CAST: variants seen among roughly 807,000 people sequenced by gnomAD.
CAST encodes the protein MIR583 host.
CAST carries 76 observed loss-of-function variants against 119.6 expected under a neutral mutation model. The ratio of observed to expected loss-of-function variants is 0.64; its 90% CI spans 0.53 to 0.77. The LOEUF is 0.77. Ranked by LOEUF, CAST falls within the 30% of genes least tolerant of loss-of-function variation. The pLI, the probability that CAST is intolerant of heterozygous loss-of-function variation, is 0.00. For missense variants in CAST, 953 were observed against 946.5 expected (o/e 1.01, Z -0.09); for synonymous variants, 319 against 331.6 (o/e 0.96, Z 0.41).
intron 1 of CAST, among the ~76,000 whole-genome samples, chr5:96,586,437 C>G (rs1580835748): frequency 6.6e-6 from 1 of 152,140 alleles, no homozygotes; most frequent in South Asian, 2.1e-4. Flanking sequence ...TATAAATGAG[C>G]TCAATTGTGC....
rs901691588 is a variant in CAST, at chr5:96,771,937, A to G, written c.*23+235A>G. ...CTTAATCTTATAATTAAAAGCTTTT[A>G]AAAATATTAGGCCAGGCACTTAGAA... On this transcript the variant is annotated intron_variant, in intron 31 of 31. Transcript: ENST00000675179. 3.5e-5 allele frequency: 12 copies of G among 341,686 alleles called. No individual in the cohort carries two copies. In the Admixed American group the frequency reaches 5.6e-4, roughly 16 times the overall value. The allele number at this position is 341,686 out of a possible 1,614,324, so 21.2% of individuals were successfully genotyped here.
chr5:96,343,723 A>G, the CAST span, among the ~76,000 whole-genome samples: 9 of 152,204 alleles, frequency 5.9e-5, no homozygotes, highest in African/African-American at 2.2e-4. Flanking sequence ...ATTGCAGCAC[A>G]ATTTAATTGG....
chr5:96,404,082 A>G, the CAST span, among the ~76,000 whole-genome samples: 2 of 152,334 alleles, frequency 1.3e-5, no homozygotes, highest in Admixed American at 6.5e-5. Context: ...TAATAATAAT[A>G]GTGCCACAAA....
intron 1 of CAST, among the ~76,000 whole-genome samples, chr5:96,626,877 CAG>C (rs1474395646): frequency 2.1e-4 from 32 of 152,340 alleles, no homozygotes; most frequent in African/African-American, 7.2e-4. Flanking sequence ...TGAGGTCTGG[CAG>C]AGTTTGACGG....
the CAST span, among the ~76,000 whole-genome samples, chr5:95,974,003 G>GCACA: frequency 8.3e-4 from 122 of 146,970 alleles, no homozygotes; most frequent in African/African-American, 2.2e-3. Flanking sequence ...AAATTTGCAC[G>GCACA]CACACACACA....
intron 3 of CAST, among the ~76,000 whole-genome samples, chr5:96,713,165 C>T (rs1756528877): frequency 7.1e-6 from 1 of 141,292 alleles, no homozygotes; most frequent in East Asian, 2.1e-4. Flanking sequence ...TGGAGGCTTG[C>T]TCTGTCACCC....
At chr5:96,452,956 C>CAAAAAAAAAAAAAAA in the CAST span, among the ~76,000 whole-genome samples, 1 of 62,716 alleles carries the variant, frequency 1.6e-5, no homozygotes, top group African/African-American at 1.2e-4. Flanking sequence ...GACTCCGTCT[C>CAAAAAAAAAAAAAAA]AAAAAAAAAA....
At chr5:96,491,463 C>T in the CAST span, among the ~76,000 whole-genome samples, 1 of 117,306 alleles carries the variant, frequency 8.5e-6, no homozygotes, top group Admixed American at 1.2e-4. Flanking sequence ...TGCACTCCAG[C>T]CTGGGGGACA....
chr5:96,760,530 T>C (rs1417470892), intron 24 of CAST, among the ~76,000 whole-genome samples: 1 of 151,816 alleles, frequency 6.6e-6, no homozygotes, highest in Non-Finnish European at 1.5e-5. Flanking sequence ...TATTATCACA[T>C]GGAAGAATCA....
At chr5:96,418,284 C>G in the CAST span, among the ~76,000 whole-genome samples, 1 of 152,178 alleles carries the variant, frequency 6.6e-6, no homozygotes, top group South Asian at 2.1e-4. Flanking sequence ...CAGTAAAGAA[C>G]TTTCTATTAT....
intron 15 of CAST, 139 bp from the exon 16 acceptor site, chr5:96,742,516 A>G: frequency 3.2e-6 from 2 of 623,902 alleles, no homozygotes; most frequent in South Asian, 4.1e-5. Flanking sequence ...GCAAGGTTTC[A>G]AATAAAATTG....
At chr5:96,670,995 T>C (rs1749996783) in intron 1 of CAST, among the ~76,000 whole-genome samples, 1 of 152,232 alleles carries the variant, frequency 6.6e-6, no homozygotes, top group East Asian at 1.9e-4. Flanking sequence ...TTCAGATTTA[T>C]GGGTTTGCTA....
At chr5:96,413,652 TAGTC>T in the CAST span, among the ~76,000 whole-genome samples, 1 of 149,478 alleles carries the variant, frequency 6.7e-6, no homozygotes, top group Non-Finnish European at 1.5e-5. Flanking sequence ...ATACAAAAAT[TAGTC>T]AGGCATGCTG....
the CAST span, among the ~76,000 whole-genome samples, chr5:96,427,853 A>G: frequency 2.0e-5 from 3 of 152,130 alleles, no homozygotes; most frequent in Non-Finnish European, 4.4e-5. Context: ...GCTAGAAGTT[A>G]TTCTGCTTTT....
chr5:96,763,344 G>A (rs969224626), intron 25 of CAST: 40 of 747,964 alleles, frequency 5.3e-5, no homozygotes, highest in Middle Eastern at 4.6e-4. Context: ...AAAATGCCCC[G>A]TGTGTGTGTA....
At chr5:96,748,763 G>A (rs1222275792) in intron 19 of CAST, 150 bp downstream of exon 19, 2 of 560,866 alleles carry the variant, frequency 3.6e-6, no homozygotes, top group East Asian at 6.1e-5. Context: ...CTTTTTGGAT[G>A]TGCTTTCTGC....
the CAST span, chr5:96,408,273 C>T: frequency 2.6e-5 from 42 of 1,613,944 alleles, no homozygotes; most frequent in Middle Eastern, 8.2e-4. Flanking sequence ...GTGCAGAGGC[C>T]GAGGTGCCTG....
chr5:96,623,941 C>T (rs1035149900), intron 1 of CAST, among the ~76,000 whole-genome samples: 7 of 152,078 alleles, frequency 4.6e-5, no homozygotes, highest in African/African-American at 1.7e-4. Flanking sequence ...TCAAGCGATC[C>T]TCCCACCTCA....
chr5:96,222,151 A>G, the CAST span, among the ~76,000 whole-genome samples: 1 of 152,168 alleles, frequency 6.6e-6, no homozygotes, highest in South Asian at 2.1e-4. Context: ...GAAACTATAA[A>G]ACTACTAGAA....
Sources: allele counts gnomAD v4.1 joint callset (sites outside exome capture counted in the v4.1 genomes callset), GRCh38; gene constraint gnomAD v4.1.1; transcripts MANE v1.5; gene names NCBI Gene and HGNC (gene_info 2026-07-23, HGNC 2026-07-21).